The following RASAL2 variants were observed in gnomAD, a reference collection of about 807,000 sequenced individuals.
RASAL2 encodes ras GTPase-activating protein nGAP.
In RASAL2, 58 loss-of-function variants were observed where a neutral mutation model predicts 128.9. The ratio of observed to expected loss-of-function variants is 0.45; its 90% CI spans 0.36 to 0.56. The LOEUF (loss-of-function observed/expected upper bound fraction) is 0.56, where lower values mean the gene tolerates loss of function less well. RASAL2 is among the 20% of genes least tolerant of loss of function. The pLI is 0.00. For synonymous variants in RASAL2, 561 were observed against 580.8 expected (o/e 0.97, Z 0.49); for missense variants, 1,360 against 1,601.6 (o/e 0.85, Z 2.57).
chr1:178,319,018 G>C (rs1012814523), intron 3 of RASAL2, among the ~76,000 whole-genome samples: 5 of 152,122 alleles, frequency 3.3e-5, no homozygotes, highest in African/African-American at 1.2e-4. Flanking sequence ...GCATTTGCTT[G>C]TCTGTAAAGT....
intron 3 of RASAL2, among the ~76,000 whole-genome samples, chr1:178,364,946 A>C (rs1296459182): frequency 6.6e-6 from 1 of 152,166 alleles, no homozygotes; most frequent in African/African-American, 2.4e-5. Flanking sequence ...TATTTAAAGA[A>C]TCTGATTATC....
chr1:178,443,088 G>A lies in RASAL2; in HGVS notation c.1341G>A (p.Glu447=). The A allele has an allele frequency of 6.2e-7, 1 of 1,613,986 alleles. No homozygotes were observed. The highest frequency in any genetic ancestry group is 1.3e-5 in the African/African-American group (1 of 75,024). ...RFQTITILPM[E]QYKEFAEFVT... The stretch of plus-strand genomic sequence containing the variant: ...AAACTATCACCATTCTGCCTATGGA[G>A]CAATACAAAGAATTTGCAGAATTTG... The change falls in exon 8 of 18, where the codon GAG becomes GAA. Residue 447 remains glutamate (E), a synonymous_variant. Coordinates refer to ENST00000367649, the MANE Select transcript of RASAL2 (RefSeq NM_170692.4).
rs572853924 is a variant in RASAL2, at chr1:178,094,437, C to G, written c.-56C>G. 1 of 1,452,160 alleles carries G rather than the reference C, an allele frequency of 6.9e-7. No individual in the cohort carries two copies. The highest frequency in any genetic ancestry group is 9.1e-7 in the Non-Finnish European group (1 of 1,094,766). 90.0% of individuals were successfully genotyped at this position (1,452,160 alleles called of 1,614,324 possible). On this transcript the variant is annotated 5_prime_UTR_variant, in exon 1 of 18. Transcript: ENST00000367649. ...CCTTACCGCAGGCAGGGCGCGGAGC[C>G]GCGCGCCAGCCCGCCCCGAAGCCGC...
At chr1:178,245,782 A>G (rs1468200754) in intron 1 of RASAL2, among the ~76,000 whole-genome samples, 1 of 152,218 alleles carries the variant, frequency 6.6e-6, no homozygotes, top group Non-Finnish European at 1.5e-5. Flanking sequence ...TGTTTTCTGC[A>G]TACGGCTAGC....
intron 2 of RASAL2, among the ~76,000 whole-genome samples, chr1:178,299,035 A>G (rs927678339): frequency 5.9e-5 from 9 of 152,090 alleles, no homozygotes; most frequent in Non-Finnish European, 1.2e-4. Context: ...TTTACTATTC[A>G]TAGTTCTCAT....
At chr1:178,311,356 T>A (rs1357227049) in intron 3 of RASAL2, among the ~76,000 whole-genome samples, 1 of 151,394 alleles carries the variant, frequency 6.6e-6, no homozygotes, top group African/African-American at 2.4e-5. Context: ...AAATCTTAAC[T>A]TGGCTATGAA....
At chr1:178,284,544 C>A (rs904504880) in intron 2 of RASAL2, among the ~76,000 whole-genome samples, 1 of 152,136 alleles carries the variant, frequency 6.6e-6, no homozygotes, top group Admixed American at 6.5e-5. Flanking sequence ...ACTTTCTGTT[C>A]TTCTAAATTA....
At chr1:178,112,347 C>T (rs1042961743) in intron 1 of RASAL2, among the ~76,000 whole-genome samples, 1 of 151,884 alleles carries the variant, frequency 6.6e-6, no homozygotes, top group Non-Finnish European at 1.5e-5. Flanking sequence ...GTCAGGAGTT[C>T]GAGACCAGCC....
At chr1:178,432,588 T>C (rs534440904) in intron 5 of RASAL2, among the ~76,000 whole-genome samples, 1 of 152,194 alleles carries the variant, frequency 6.6e-6, no homozygotes, top group African/African-American at 2.4e-5. Flanking sequence ...TAAAACTTGA[T>C]TTTATTTGTA....
At chr1:178,163,025 C>T (rs566063614) in intron 1 of RASAL2, among the ~76,000 whole-genome samples, 6 of 152,208 alleles carry the variant, frequency 3.9e-5, no homozygotes, top group South Asian at 2.1e-4. Flanking sequence ...GGCTGGAGTG[C>T]GGTGGTGTGA....
chr1:178,287,554 C>T (rs1329248401), intron 2 of RASAL2, among the ~76,000 whole-genome samples: 1 of 152,092 alleles, frequency 6.6e-6, no homozygotes, highest in African/African-American at 2.4e-5. Context: ...ATGTTTACAG[C>T]AGCACAATTC....
intron 4 of RASAL2, among the ~76,000 whole-genome samples, chr1:178,394,671 G>C (rs1052673146): frequency 1.3e-5 from 2 of 152,118 alleles, no homozygotes; most frequent in African/African-American, 4.8e-5. Context: ...AGTTGCAGCT[G>C]CTTCATTTGT....
intron 1 of RASAL2, among the ~76,000 whole-genome samples, chr1:178,172,409 C>T (rs193006465): frequency 6.6e-6 from 1 of 152,048 alleles, no homozygotes; most frequent in African/African-American, 2.4e-5. Context: ...TGTAAGCTAC[C>T]ATTGAATATT....
intron 9 of RASAL2, among the ~76,000 whole-genome samples, chr1:178,450,327 C>T (rs893382772): frequency 1.3e-5 from 2 of 152,198 alleles, no homozygotes; most frequent in South Asian, 4.1e-4. Context: ...GAAACTCAGA[C>T]GAATTAAGTG....
intron 3 of RASAL2, among the ~76,000 whole-genome samples, chr1:178,357,543 A>G (rs1345213135): frequency 6.6e-6 from 1 of 152,056 alleles, no homozygotes; most frequent in Non-Finnish European, 1.5e-5. Context: ...TTTTCCTTTC[A>G]AAAGGTATTT....
intron 4 of RASAL2, among the ~76,000 whole-genome samples, chr1:178,402,894 T>C (rs74131340): frequency 0.068 from 10,408 of 152,158 alleles, 700 homozygotes; most frequent in African/African-American, 0.17. Flanking sequence ...CACATTATAT[T>C]ATCTAATGCT....
At chr1:178,308,269 G>C (rs1488717605) in intron 3 of RASAL2, among the ~76,000 whole-genome samples, 1 of 151,938 alleles carries the variant, frequency 6.6e-6, no homozygotes, top group Non-Finnish European at 1.5e-5. Flanking sequence ...GTCTTTTAGA[G>C]TCAAAGCTAG....
intron 1 of RASAL2, among the ~76,000 whole-genome samples, chr1:178,119,260 T>C (rs191677129): frequency 6.6e-6 from 1 of 152,296 alleles, no homozygotes; most frequent in East Asian, 1.9e-4. Flanking sequence ...GTGGTTCTTA[T>C]AACTCAAAAA....
At chr1:178,259,639 G>C (rs566373381) in intron 1 of RASAL2, among the ~76,000 whole-genome samples, 1 of 152,264 alleles carries the variant, frequency 6.6e-6, no homozygotes, top group African/African-American at 2.4e-5. Flanking sequence ...GCAGTGGTGT[G>C]AACACAGCTC....
Sources: gnomAD v4.1 joint callset for allele counts (sites outside exome capture counted in the v4.1 genomes callset) on GRCh38, gnomAD v4.1.1 for gene constraint, MANE v1.5 for transcripts, NCBI Gene and HGNC (gene_info 2026-07-23, HGNC 2026-07-21) for gene names.